Variants in TRPM3 observed in about 807,000 individuals in gnomAD.
TRPM3 encodes the protein transient receptor potential cation channel subfamily M member 3.
TRPM3 carries 77 observed loss-of-function variants against 181.2 expected under a neutral mutation model. The ratio of observed to expected loss-of-function variants is 0.42; its 90% CI spans 0.35 to 0.51. The LOEUF is 0.51. TRPM3 is among the 20% of genes least tolerant of loss of function. TRPM3 has a pLI of 0.01. For synonymous variants in TRPM3, 745 were observed against 796.4 expected, an observed-to-expected ratio of 0.94 and a Z score of 1.09; for missense variants, 1,759 against 2,196.7, an observed-to-expected ratio of 0.80 and a Z score of 3.98.
chr9:70,917,502 C>T (rs2096610162), intron 1 of TRPM3: 1 of 714,028 alleles, frequency 1.4e-6, no homozygotes, highest in South Asian at 1.5e-5. Flanking sequence ...GCCAAGGGAG[C>T]CACCACGATA....
rs375981879 is a variant in TRPM3 at position 71,236,385 on chromosome 9, CTTCTCCCCTCCT to C, written c.183+210256_183+210267del. Among the ~76,000 whole-genome samples the C allele has an allele frequency of 1.0e-3, 152 of 152,266 alleles. 1 individual carries two copies. Among genetic ancestry groups the C allele is most frequent in the African/African-American group, 3.4e-3 (142 of 41,556 alleles). ...TTTCCATCTCCTCTTCCTCTTCCCT[CTTCTCCCCTCCT>C]TTCTCCCCACACCACCCTCTACCCG... On this transcript the variant is annotated intron_variant, in intron 1 of 24. Transcript: ENST00000357533.
At chr9:70,868,341 AG>A (rs1167627307) in intron 1 of TRPM3, among the ~76,000 whole-genome samples, 1 of 152,108 alleles carries the variant, frequency 6.6e-6, no homozygotes, top group Non-Finnish European at 1.5e-5. Context: ...CATTGAACAA[AG>A]TATAATGATT....
intron 1 of TRPM3, among the ~76,000 whole-genome samples, chr9:71,105,788 G>T (rs1400829554): frequency 6.6e-6 from 1 of 152,190 alleles, no homozygotes; most frequent in Non-Finnish European, 1.5e-5. Context: ...AAAATATGCA[G>T]AACGTAGTAC....
intron 1 of TRPM3, among the ~76,000 whole-genome samples, chr9:70,918,900 C>A (rs1020512813): frequency 3.3e-5 from 5 of 151,850 alleles, no homozygotes; most frequent in African/African-American, 1.2e-4. Context: ...TCAGAAAGAT[C>A]AATCATTTTT....
chr9:71,401,143 A>G (rs919289755), intron 1 of TRPM3, among the ~76,000 whole-genome samples: 3 of 146,048 alleles, frequency 2.1e-5, no homozygotes, highest in Non-Finnish European at 3.0e-5. Flanking sequence ...GGTTGCAGTG[A>G]GCCAAGATCG....
chr9:70,781,326 T>TCAAAAAAAAAA, intron 7 of TRPM3, among the ~76,000 whole-genome samples: 1 of 106,122 alleles, frequency 9.4e-6, no homozygotes, highest in South Asian at 3.6e-4. Flanking sequence ...TTCCATTTCA[T>TCAAAAAAAAAA]AAAAAAAAAA....
intron 5 of TRPM3, among the ~76,000 whole-genome samples, chr9:70,830,364 G>A (rs2093815510): frequency 6.6e-6 from 1 of 152,202 alleles, no homozygotes; most frequent in South Asian, 2.1e-4. Flanking sequence ...GGACGTGGGT[G>A]CTCCAGTCTT....
intron 1 of TRPM3, among the ~76,000 whole-genome samples, chr9:71,141,335 T>C (rs1215745038): frequency 1.3e-5 from 2 of 152,096 alleles, no homozygotes; most frequent in Non-Finnish European, 2.9e-5. Context: ...CATTTTGAGC[T>C]TTTCAGAAAA....
intron 1 of TRPM3, among the ~76,000 whole-genome samples, chr9:70,922,169 A>G (rs995572369): frequency 1.3e-5 from 2 of 152,128 alleles, no homozygotes; most frequent in African/African-American, 4.8e-5. Flanking sequence ...AGATTGAACA[A>G]CCATTTTTCT....
chr9:70,788,133 G>A (rs900976675), intron 6 of TRPM3, among the ~76,000 whole-genome samples: 2 of 147,814 alleles, frequency 1.4e-5, no homozygotes, highest in African/African-American at 5.0e-5. Flanking sequence ...TCTAGCATTA[G>A]GTATATCTCC....
At chr9:71,006,443 A>C (rs745946233) in intron 1 of TRPM3, among the ~76,000 whole-genome samples, 2 of 152,186 alleles carry the variant, frequency 1.3e-5, no homozygotes, top group Admixed American at 6.6e-5. Flanking sequence ...ATGTTATCTA[A>C]GAAAAACTCA....
intron 1 of TRPM3, among the ~76,000 whole-genome samples, chr9:71,044,649 G>A (rs1165986449): frequency 6.6e-6 from 1 of 152,154 alleles, no homozygotes; most frequent in Non-Finnish European, 1.5e-5. Flanking sequence ...TATCTATGAT[G>A]TGACTCCAAA....
intron 1 of TRPM3, among the ~76,000 whole-genome samples, chr9:71,014,459 TGA>T (rs1386292335): frequency 1.3e-5 from 2 of 152,152 alleles, no homozygotes; most frequent in Non-Finnish European, 2.9e-5. Flanking sequence ...TGTTTGTGTG[TGA>T]GAGTGGAAAA....
chr9:71,433,907 G>A (rs1725588894), intron 1 of TRPM3, among the ~76,000 whole-genome samples: 1 of 152,168 alleles, frequency 6.6e-6, no homozygotes, highest in Non-Finnish European at 1.5e-5. Flanking sequence ...TGTAATCCCA[G>A]CACTTTGGAA....
intron 1 of TRPM3, among the ~76,000 whole-genome samples, chr9:71,218,180 GTGTATCC>G (rs2080013762): frequency 6.6e-6 from 1 of 152,156 alleles, no homozygotes; most frequent in African/African-American, 2.4e-5. Flanking sequence ...CACAATCCCA[GTGTATCC>G]TGCACATAGA....
chr9:70,953,006 T>C (rs2097021374), intron 1 of TRPM3, among the ~76,000 whole-genome samples: 2 of 152,202 alleles, frequency 1.3e-5, no homozygotes, highest in African/African-American at 4.8e-5. Context: ...GCCTCAAAGA[T>C]AGGCACTTCT....
At chr9:70,846,725 G>C (rs984321885) in intron 3 of TRPM3, 134 bp from the exon 4 acceptor site, 2 of 661,528 alleles carry the variant, frequency 3.0e-6, no homozygotes, top group South Asian at 4.0e-5. Flanking sequence ...TTTAAAAGGG[G>C]TGATCATTTG....
At chr9:71,417,048 C>T (rs1409377826) in intron 1 of TRPM3, among the ~76,000 whole-genome samples, 1 of 151,906 alleles carries the variant, frequency 6.6e-6, no homozygotes, top group Non-Finnish European at 1.5e-5. Context: ...AGATATATCA[C>T]AATTCATTTG....
intron 1 of TRPM3, among the ~76,000 whole-genome samples, chr9:71,056,727 AC>A (rs770527591): frequency 4.6e-5 from 7 of 152,054 alleles, no homozygotes; most frequent in Non-Finnish European, 8.8e-5. Flanking sequence ...TCATCTACAA[AC>A]CAATGAGAGA....
Sources: allele counts gnomAD v4.1 joint callset (sites outside exome capture counted in the v4.1 genomes callset), GRCh38; gene constraint gnomAD v4.1.1; transcripts MANE v1.5; gene names NCBI Gene and HGNC (gene_info 2026-07-23, HGNC 2026-07-21).